PLCH1: variants seen among roughly 807,000 people sequenced by gnomAD.
PLCH1 encodes 1-phosphatidylinositol 4,5-bisphosphate phosphodiesterase eta-1.
Under a neutral mutation model 126.7 loss-of-function variants are expected in PLCH1, and 60 were observed. The ratio of observed to expected loss-of-function variants is 0.47; its 90% CI spans 0.38 to 0.59. PLCH1 has a LOEUF of 0.59. Ranked by LOEUF, PLCH1 falls within the 20% of genes least tolerant of loss-of-function variation. The probability of loss-of-function intolerance (pLI) is 0.00; values close to 1 mark genes in which losing one functional copy is unlikely to be tolerated. For synonymous variants in PLCH1, 719 were observed against 734.9 expected, an observed-to-expected ratio of 0.98 and a Z score of 0.35; for missense variants, 1,723 against 2,040.0, an observed-to-expected ratio of 0.84 and a Z score of 2.99.
intron 21 of PLCH1, among the ~76,000 whole-genome samples, chr3:155,472,362 C>G (rs1434571306): frequency 3.9e-5 from 6 of 152,166 alleles, no homozygotes; most frequent in Non-Finnish European, 8.8e-5. Context: ...CATACACCCT[C>G]CCAAGACTAA....
At chr3:155,596,195 T>C in intron 3 of PLCH1, 37 bp downstream of exon 3, 1 of 1,557,998 alleles carries the variant, frequency 6.4e-7, no homozygotes, top group Non-Finnish European at 8.8e-7. Flanking sequence ...TGTGTTACTA[T>C]GTCCAGCCAA....
At chr3:155,667,799 A>C (rs2108968077) in intron 2 of PLCH1, among the ~76,000 whole-genome samples, 1 of 151,320 alleles carries the variant, frequency 6.6e-6, no homozygotes, top group East Asian at 1.9e-4. Flanking sequence ...GCGCGATGGC[A>C]CATGCCTGTA....
rs60152083 is a variant in PLCH1 at position 155,627,769 on chromosome 3, A to ATT, written c.80-31393_80-31392dup. ...ATTTTGCCAAAAAAAGTTATCGGAG[A>ATT]TTTTTTTTTTTTTTTTGAGACAGAA... On this transcript the variant is annotated intron_variant, in intron 2 of 22. Transcript: ENST00000460012. Among the ~76,000 whole-genome samples the ATT allele has an allele frequency of 5.2e-3, 602 of 116,582 alleles. 1 individual carries two copies. The highest frequency in any genetic ancestry group is 8.4e-3 in the Admixed American group (105 of 12,538). 76.5% of individuals were successfully genotyped at this position (116,582 alleles called of 152,430 possible). A position where few individuals can be genotyped will look rare whatever the true frequency, so the allele number is the denominator to read the frequency against.
chr3:155,568,097 T>C lies in PLCH1; in HGVS notation c.865+134A>G, dbSNP rs1360793812. Reference sequence around the variant, plus strand: ...TTTGCAGGAAAATATATGTGTGTTGTAGATTTTGTTTGAATTATTTATTAA... The same window carrying C: ...TTTGCAGGAAAATATATGTGTGTTGCAGATTTTGTTTGAATTATTTATTAA... On this transcript the variant is annotated intron_variant, in intron 7 of 22. Transcript: ENST00000460012. The C allele has an allele frequency of 5.3e-6, 3 of 564,404 alleles. No individual in the cohort carries two copies. In the African/African-American group the frequency reaches 5.8e-5, roughly 11 times the overall value. 35.0% of individuals were successfully genotyped at this position (564,404 alleles called of 1,614,324 possible).
At chr3:155,566,795 A>T (rs957347190) in intron 7 of PLCH1, among the ~76,000 whole-genome samples, 1 of 152,204 alleles carries the variant, frequency 6.6e-6, no homozygotes, top group Non-Finnish European at 1.5e-5. Context: ...AAATAAATAC[A>T]TGGATGACTC....
intron 1 of PLCH1, among the ~76,000 whole-genome samples, chr3:155,735,324 G>A (rs1749093278): frequency 6.6e-6 from 1 of 152,022 alleles, no homozygotes; most frequent in South Asian, 2.1e-4. Flanking sequence ...TAATAACAAT[G>A]TATTTTATTC....
At chr3:155,654,623 C>T (rs185157576) in intron 2 of PLCH1, among the ~76,000 whole-genome samples, 2 of 152,320 alleles carry the variant, frequency 1.3e-5, no homozygotes, top group East Asian at 3.9e-4. Flanking sequence ...TCTGACCAAT[C>T]AGGAAGTCAC....
chr3:155,657,200 T>A (rs1056360245), intron 2 of PLCH1, among the ~76,000 whole-genome samples: 1 of 152,178 alleles, frequency 6.6e-6, no homozygotes, highest in African/African-American at 2.4e-5. Flanking sequence ...GAACAACAGT[T>A]TTCAAGGCTT....
At chr3:155,574,827 T>C (rs1301118057) in intron 6 of PLCH1, among the ~76,000 whole-genome samples, 1 of 152,146 alleles carries the variant, frequency 6.6e-6, no homozygotes, top group African/African-American at 2.4e-5. Context: ...ACTGCTTTAA[T>C]TGTGAATAAT....
intron 12 of PLCH1, among the ~76,000 whole-genome samples, chr3:155,511,434 C>T (rs1373739571): frequency 1.0e-5 from 1 of 98,560 alleles, no homozygotes; most frequent in Non-Finnish European, 1.8e-5. Flanking sequence ...AGGCGCTCTG[C>T]GTTTTAGAGT....
chr3:155,460,638 T>G (rs1450784590), intron 21 of PLCH1, among the ~76,000 whole-genome samples: 5 of 152,182 alleles, frequency 3.3e-5, no homozygotes, highest in Non-Finnish European at 2.9e-5. Flanking sequence ...CAAGATGAAC[T>G]GCAGAAATTA....
chr3:155,540,171 A>ATCC (rs1724041149), intron 10 of PLCH1, among the ~76,000 whole-genome samples: 1 of 152,168 alleles, frequency 6.6e-6, no homozygotes, highest in Non-Finnish European at 1.5e-5. Context: ...ATAGTACTGG[A>ATCC]ATATTGGCAA....
intron 2 of PLCH1, among the ~76,000 whole-genome samples, chr3:155,703,744 T>A (rs907476230): frequency 6.6e-6 from 1 of 152,156 alleles, no homozygotes; most frequent in African/African-American, 2.4e-5. Flanking sequence ...CCCTCTAACA[T>A]CTCAATTTGG....
intron 1 of PLCH1, among the ~76,000 whole-genome samples, chr3:155,721,746 G>C (rs750197014): frequency 2.0e-5 from 3 of 152,066 alleles, no homozygotes; most frequent in Non-Finnish European, 4.4e-5. Context: ...GTACTATGCT[G>C]AATAAAAGTG....
chr3:155,626,768 CAAAAAAAAAAAAAAAAAA>C (rs71155058), intron 2 of PLCH1, among the ~76,000 whole-genome samples: 13 of 49,652 alleles, frequency 2.6e-4, no homozygotes, highest in Non-Finnish European at 2.4e-4. Context: ...GACTCCGTCT[CAAAAAAAAAAAAAAAAAA>C]AAAAAAAAAA....
At chr3:155,673,647 G>A (rs183375961) in intron 2 of PLCH1, among the ~76,000 whole-genome samples, 5 of 152,200 alleles carry the variant, frequency 3.3e-5, no homozygotes, top group East Asian at 1.9e-4. Context: ...TCTGTTACAC[G>A]TCTTCAAGAA....
chr3:155,646,974 C>T (rs1469067200), intron 2 of PLCH1, among the ~76,000 whole-genome samples: 2 of 152,156 alleles, frequency 1.3e-5, no homozygotes, highest in Non-Finnish European at 2.9e-5. Context: ...AATTCCCCAC[C>T]CCATGGACAC....
At chr3:155,552,245 G>A (rs954361586) in intron 9 of PLCH1, among the ~76,000 whole-genome samples, 5 of 151,978 alleles carry the variant, frequency 3.3e-5, no homozygotes, top group Admixed American at 1.3e-4. Flanking sequence ...TTGAATAGCT[G>A]GTATACTGAA....
intron 1 of PLCH1, among the ~76,000 whole-genome samples, chr3:155,707,821 G>A (rs1254829388): frequency 2.0e-5 from 3 of 152,040 alleles, no homozygotes; most frequent in Non-Finnish European, 2.9e-5. Context: ...CAACACTTTC[G>A]GGACAGAAGC....
Sources: gnomAD v4.1 joint callset for allele counts (sites outside exome capture counted in the v4.1 genomes callset) on GRCh38, gnomAD v4.1.1 for gene constraint, MANE v1.5 for transcripts, NCBI Gene and HGNC (gene_info 2026-07-23, HGNC 2026-07-21) for gene names.